CCSER1: variants seen among roughly 807,000 people sequenced by gnomAD.
The protein encoded by CCSER1 is serine-rich coiled-coil domain-containing protein 1.
CCSER1 carries 41 observed loss-of-function variants against 82.0 expected under a neutral mutation model. The observed-to-expected ratio is 0.50, with a 90% CI of 0.39 to 0.65. The LOEUF is 0.65. CCSER1 is among the 30% of genes least tolerant of loss of function. CCSER1 has a pLI of 0.00. For missense variants in CCSER1, 1,119 were observed against 1,064.2 expected (o/e 1.05, Z -0.72); for synonymous variants, 414 against 383.9 (o/e 1.08, Z -0.92).
At position 90,312,901 on chromosome 4, in the gene CCSER1, T is replaced by G; in HGVS notation, c.1363T>G (p.Phe455Val). 5 of 1,580,790 alleles carry G rather than the reference T, an allele frequency of 3.2e-6. No individual in the cohort carries two copies. The highest frequency in any genetic ancestry group is 4.3e-6 in the Non-Finnish European group (5 of 1,161,836). The change falls in exon 3 of 11, where the codon TTT becomes GTT. Residue 455 changes from phenylalanine to valine, a missense_variant. By Grantham distance (50) the Phe-to-Val change is conservative (BLOSUM62 -1). Coordinates refer to ENST00000509176, the MANE Select transcript of CCSER1 (RefSeq NM_001145065.2). ...TCTCAGTCCATTTCGTGAAGGAAGA[T>G]TTATAGAGAGGAGACTGCGATCCTC... ...SSLSPFREGR[F>V]IERRLRSSSE...
intron 9 of CCSER1, among the ~76,000 whole-genome samples, chr4:90,927,336 TAAG>T (rs1261158800): frequency 1.3e-5 from 2 of 152,182 alleles, no homozygotes; most frequent in Admixed American, 1.3e-4. Flanking sequence ...TAACATTTAA[TAAG>T]AAGCCATTTT....
At chr4:90,587,595 T>C (rs150244464) in intron 5 of CCSER1, among the ~76,000 whole-genome samples, 9 of 152,310 alleles carry the variant, frequency 5.9e-5, no homozygotes, top group African/African-American at 2.2e-4. Context: ...ATGAATTATT[T>C]AGGGTTCAAT....
chr4:91,501,497 A>G (rs1336218751), intron 10 of CCSER1, among the ~76,000 whole-genome samples: 2 of 151,930 alleles, frequency 1.3e-5, no homozygotes, highest in Non-Finnish European at 2.9e-5. Context: ...GAGTTACATA[A>G]TCCATTCATA....
intron 10 of CCSER1, among the ~76,000 whole-genome samples, chr4:91,539,881 C>G (rs1040676203): frequency 6.6e-6 from 1 of 151,850 alleles, no homozygotes; most frequent in Non-Finnish European, 1.5e-5. Context: ...ACTTAGAATC[C>G]TGATCATTTA....
chr4:90,815,582 G>C (rs1420549334), intron 7 of CCSER1, among the ~76,000 whole-genome samples, 180 bp from the exon 8 acceptor site: 3 of 151,438 alleles, frequency 2.0e-5, no homozygotes, highest in African/African-American at 7.3e-5. Context: ...AGCATTTTTT[G>C]GATACATTAA....
chr4:90,832,311 G>A (rs1761224078), intron 8 of CCSER1, among the ~76,000 whole-genome samples: 1 of 152,026 alleles, frequency 6.6e-6, no homozygotes, highest in Non-Finnish European at 1.5e-5. Flanking sequence ...TATAGGTGTA[G>A]ATACAGATAG....
intron 4 of CCSER1, among the ~76,000 whole-genome samples, chr4:90,402,343 C>T (rs1340921767): frequency 6.6e-6 from 1 of 152,096 alleles, no homozygotes; most frequent in East Asian, 1.9e-4. Flanking sequence ...AGAGGATTGA[C>T]TGTTACTGCA....
At chr4:90,455,376 T>C (rs751119893) in intron 4 of CCSER1, among the ~76,000 whole-genome samples, 1 of 152,102 alleles carries the variant, frequency 6.6e-6, no homozygotes, top group Admixed American at 6.5e-5. Flanking sequence ...AGGTTAAAGA[T>C]GGTTGTTTAC....
chr4:90,560,278 C>G (rs1223073515), intron 5 of CCSER1, among the ~76,000 whole-genome samples: 1 of 151,700 alleles, frequency 6.6e-6, no homozygotes, highest in Non-Finnish European at 1.5e-5. Context: ...TTCTCTAAGC[C>G]CAAAGCTCTA....
intron 6 of CCSER1, among the ~76,000 whole-genome samples, chr4:90,663,634 C>T (rs1306372255): frequency 6.6e-6 from 1 of 152,140 alleles, no homozygotes; most frequent in East Asian, 1.9e-4. Flanking sequence ...ACAGGTGCGA[C>T]TACCACACCC....
intron 3 of CCSER1, among the ~76,000 whole-genome samples, chr4:90,334,358 CCTT>C (rs1561048229): frequency 6.6e-6 from 1 of 151,712 alleles, no homozygotes; most frequent in East Asian, 1.9e-4. Flanking sequence ...AACAGATAGG[CCTT>C]CTGGAATCAT....
chr4:90,700,104 A>G (rs1204036514), intron 6 of CCSER1, among the ~76,000 whole-genome samples: 2 of 151,930 alleles, frequency 1.3e-5, no homozygotes, highest in Admixed American at 6.6e-5. Flanking sequence ...CGTCATTTAC[A>G]TTAGGTATAT....
chr4:90,627,841 A>G (rs1243082172), intron 5 of CCSER1, among the ~76,000 whole-genome samples, 184 bp from the exon 6 acceptor site: 1 of 152,080 alleles, frequency 6.6e-6, no homozygotes, highest in Non-Finnish European at 1.5e-5. Context: ...ACGCCACTGC[A>G]CTCCAGCCTG....
At chr4:90,591,392 C>G (rs988975370) in intron 5 of CCSER1, among the ~76,000 whole-genome samples, 2 of 152,012 alleles carry the variant, frequency 1.3e-5, no homozygotes, top group Non-Finnish European at 2.9e-5. Context: ...ACAGACACTT[C>G]TCAAAAGAAG....
intron 10 of CCSER1, among the ~76,000 whole-genome samples, chr4:91,507,826 AG>A (rs1404971598): frequency 2.2e-4 from 34 of 151,978 alleles, no homozygotes; most frequent in African/African-American, 7.9e-4. Flanking sequence ...AAATACTTCA[AG>A]ATTATGAAGG....
intron 7 of CCSER1, among the ~76,000 whole-genome samples, chr4:90,762,774 C>G (rs1219121782): frequency 6.6e-6 from 1 of 151,942 alleles, no homozygotes; most frequent in Admixed American, 6.6e-5. Context: ...TGCCTTAATC[C>G]GGGAGCCTGT....
At chr4:90,585,737 A>G (rs1022481559) in intron 5 of CCSER1, among the ~76,000 whole-genome samples, 1 of 152,192 alleles carries the variant, frequency 6.6e-6, no homozygotes, top group Non-Finnish European at 1.5e-5. Flanking sequence ...AAAAATGTTA[A>G]TGACAAAGTA....
chr4:90,565,612 C>A (rs1159877920), intron 5 of CCSER1, among the ~76,000 whole-genome samples: 1 of 152,162 alleles, frequency 6.6e-6, no homozygotes, highest in African/African-American at 2.4e-5. Context: ...AAGTCTTTAG[C>A]TGTTCCCTGT....
intron 8 of CCSER1, among the ~76,000 whole-genome samples, chr4:90,892,246 G>A (rs1012652354): frequency 6.6e-6 from 1 of 151,644 alleles, no homozygotes; most frequent in South Asian, 2.1e-4. Flanking sequence ...ATCTTTACTG[G>A]CAGTAGACCT....
Sources: allele counts gnomAD v4.1 joint callset (sites outside exome capture counted in the v4.1 genomes callset), GRCh38; gene constraint gnomAD v4.1.1; transcripts MANE v1.5; gene names NCBI Gene and HGNC (gene_info 2026-07-23, HGNC 2026-07-21).